Variants in SCIN observed in about 807,000 individuals in gnomAD.
SCIN encodes scinderin, also known as adseverin.
A neutral mutation model predicts 91.8 loss-of-function variants in SCIN; 91 were observed. The observed-to-expected ratio is 0.99, with a 90% CI of 0.84 to 1.18. SCIN has a LOEUF of 1.18. Among genes scored for constraint, SCIN ranks in the 50% most tolerant of loss-of-function variants. SCIN has a pLI of 0.00. For missense variants in SCIN, 1,087 were observed against 863.9 expected (o/e 1.26, Z -3.24); for synonymous variants, 367 against 312.6 (o/e 1.17, Z -1.84).
intron 11 of SCIN, among the ~76,000 whole-genome samples, chr7:12,640,897 C>T (rs1484819589): frequency 1.3e-5 from 2 of 152,102 alleles, no homozygotes; most frequent in Non-Finnish European, 2.9e-5. Flanking sequence ...CTCGTTTGCC[C>T]AAGTGTAACA....
chr7:12,616,266 T>C (rs1260532718), intron 4 of SCIN, among the ~76,000 whole-genome samples: 2 of 152,158 alleles, frequency 1.3e-5, no homozygotes, highest in East Asian at 3.9e-4. Flanking sequence ...TTTTGGGAAA[T>C]GGGACCTAAT....
At chr7:12,574,793 G>C (rs1782337096) in intron 1 of SCIN, among the ~76,000 whole-genome samples, 1 of 151,998 alleles carries the variant, frequency 6.6e-6, no homozygotes, top group African/African-American at 2.4e-5. Flanking sequence ...CTTTATGCTT[G>C]TTTGTCAAGA....
chr7:12,643,668 T>C (rs1783898838), intron 11 of SCIN, among the ~76,000 whole-genome samples: 1 of 152,146 alleles, frequency 6.6e-6, no homozygotes, highest in Admixed American at 6.5e-5. Flanking sequence ...GGCAGTTCAG[T>C]GTGGTTGGCC....
intron 4 of SCIN, among the ~76,000 whole-genome samples, chr7:12,613,441 C>T (rs1020210194): frequency 3.9e-5 from 6 of 152,076 alleles, no homozygotes; most frequent in African/African-American, 1.2e-4. Flanking sequence ...AGCCCAGATA[C>T]GAAAATGTTA....
In SCIN at chr7:12,658,384, G is replaced by T. The variant is rs1418137277; in HGVS notation, c.*5669G>T. 6.6e-6 allele frequency: 1 copy of T among 152,152 alleles called. No homozygotes were observed. The highest frequency in any genetic ancestry group is 1.5e-5 in the Non-Finnish European group (1 of 68,018). 9.4% of individuals were successfully genotyped at this position (152,152 alleles called of 1,614,324 possible). On this transcript the variant is annotated 3_prime_UTR_variant, in exon 16 of 16. Transcript: ENST00000297029. ...AAAGGAAGAGGTGAATGTGGGCAGG[G>T]TTTCACTGGAGTATTGACACACCAA...
At chr7:12,617,766 A>G (rs1371931450) in intron 4 of SCIN, among the ~76,000 whole-genome samples, 2 of 152,122 alleles carry the variant, frequency 1.3e-5, no homozygotes, top group Non-Finnish European at 2.9e-5. Context: ...TTTCAAATAT[A>G]CAATGCATGG....
intron 3 of SCIN, among the ~76,000 whole-genome samples, chr7:12,599,986 C>G (rs1291315033): frequency 1.3e-5 from 2 of 152,138 alleles, no homozygotes; most frequent in Non-Finnish European, 2.9e-5. Context: ...TTGATTCTTT[C>G]TTTTGCTGTG....
At chr7:12,584,933 C>T (rs1234263344) in intron 3 of SCIN, among the ~76,000 whole-genome samples, 1 of 152,102 alleles carries the variant, frequency 6.6e-6, no homozygotes, top group African/African-American at 2.4e-5. Flanking sequence ...CACAGTCAGC[C>T]ACTAGTGAAG....
intron 4 of SCIN, among the ~76,000 whole-genome samples, chr7:12,610,746 C>G (rs142407453): frequency 6.6e-6 from 1 of 152,226 alleles, no homozygotes; most frequent in Non-Finnish European, 1.5e-5. Flanking sequence ...TTCAAATATT[C>G]TGCTCCTCTT....
chr7:12,640,274 C>G, intron 10 of SCIN, 73 bp from the exon 11 acceptor site: 3 of 1,286,558 alleles, frequency 2.3e-6, no homozygotes, highest in Non-Finnish European at 3.1e-6. Context: ...AACATAAGAA[C>G]ACATTTGGAA....
chr7:12,586,895 G>A (rs950361216), intron 3 of SCIN, among the ~76,000 whole-genome samples: 2 of 152,142 alleles, frequency 1.3e-5, no homozygotes, highest in African/African-American at 4.8e-5. Flanking sequence ...TAGATCTAGA[G>A]AGTAGAATTG....
intron 1 of SCIN, among the ~76,000 whole-genome samples, chr7:12,576,944 A>T (rs1256060524): frequency 6.6e-6 from 1 of 152,152 alleles, no homozygotes; most frequent in East Asian, 1.9e-4. Flanking sequence ...TACAGCTTGG[A>T]TGTAGTAAAG....
chr7:12,580,954 TTTTG>T lies in SCIN; in HGVS notation c.355-105_355-102del, dbSNP rs1161667552. Reference sequence around the variant, plus strand: ...TTTTAACTTGGCCTGACAGGTACAGTTTTGGCACAAACACCAGCAGTATTATTGT... The same window carrying T: ...TTTTAACTTGGCCTGACAGGTACAGTGCACAAACACCAGCAGTATTATTGT... On this transcript the variant is annotated intron_variant, in intron 2 of 15. Transcript: ENST00000297029. The T allele has an allele frequency of 4.2e-6, 5 of 1,183,546 alleles. No individual in the cohort carries two copies. The African/African-American group carries it at 7.8e-5, about 18-fold the overall frequency. 73.3% of individuals were successfully genotyped at this position (1,183,546 alleles called of 1,614,324 possible). A position where few individuals can be genotyped will look rare whatever the true frequency, so the allele number is the denominator to read the frequency against.
At chr7:12,644,372 T>C in intron 12 of SCIN, 57 bp downstream of exon 12, 1 of 1,512,236 alleles carries the variant, frequency 6.6e-7, no homozygotes, top group South Asian at 1.3e-5. Flanking sequence ...CGATTGCTAA[T>C]CATCTTTTTT....
intron 3 of SCIN, among the ~76,000 whole-genome samples, chr7:12,603,525 A>G (rs201132770): frequency 2.0e-5 from 3 of 151,540 alleles, no homozygotes; most frequent in Non-Finnish European, 4.4e-5. Context: ...GATAATGCCC[A>G]CTCCCACAGC....
At chr7:12,619,865 A>G (rs1783372056) in intron 4 of SCIN, among the ~76,000 whole-genome samples, 1 of 152,126 alleles carries the variant, frequency 6.6e-6, no homozygotes, top group African/African-American at 2.4e-5. Context: ...TATTTACTCA[A>G]TGGCTGGCAG....
At chr7:12,623,400 T>C (rs1446754053) in intron 5 of SCIN, among the ~76,000 whole-genome samples, 1 of 152,172 alleles carries the variant, frequency 6.6e-6, no homozygotes, top group Non-Finnish European at 1.5e-5. Context: ...TACTTCCATA[T>C]CAGCTCTATA....
intron 4 of SCIN, among the ~76,000 whole-genome samples, chr7:12,611,929 T>TAAA (rs11287451): frequency 6.9e-6 from 1 of 145,298 alleles, no homozygotes; most frequent in African/African-American, 2.6e-5. Flanking sequence ...TCTCTTAAAA[T>TAAA]AAAAAAAAAA....
In SCIN at chr7:12,583,767, A is replaced by G. The variant is rs946829420; in HGVS notation, c.516+2546A>G. ...CTTCCCATAGTCAACCTGTGGGAGT[A>G]TGGGCCACAAATCCAGGTTCACGTA... On this transcript the variant is annotated intron_variant, in intron 3 of 15. Coordinates refer to ENST00000297029, the MANE Select transcript of SCIN (RefSeq NM_001112706.3). Among the ~76,000 whole-genome samples, 8 of 152,154 alleles carry G rather than the reference A, an allele frequency of 5.3e-5. No homozygotes were observed. The East Asian group carries it at 7.7e-4, about 15-fold the overall frequency.
Sources: gnomAD v4.1 joint callset for allele counts (sites outside exome capture counted in the v4.1 genomes callset) on GRCh38, gnomAD v4.1.1 for gene constraint, MANE v1.5 for transcripts, NCBI Gene and HGNC (gene_info 2026-07-23, HGNC 2026-07-21) for gene names.